C2CD2: variants seen among roughly 807,000 people sequenced by gnomAD.
The protein encoded by C2CD2 is C2 calcium dependent domain containing 2.
Under a neutral mutation model 74.3 loss-of-function variants are expected in C2CD2, and 43 were observed. The observed-to-expected ratio is 0.58, with a 90% confidence interval of 0.45 to 0.75. The LOEUF is 0.75. Ranked by LOEUF, C2CD2 falls within the 30% of genes least tolerant of loss-of-function variation. C2CD2 has a pLI of 0.00. For synonymous variants in C2CD2, 422 were observed against 390.7 expected (o/e 1.08, Z -0.94); for missense variants, 801 against 916.3 (o/e 0.87, Z 1.63).
chr21:41,904,567 C>T (rs1034247396), intron 11 of C2CD2, among the ~76,000 whole-genome samples: 6 of 152,128 alleles, frequency 3.9e-5, no homozygotes, highest in African/African-American at 1.4e-4. Flanking sequence ...TTTCTGGTAA[C>T]GAAAGGAGGG....
chr21:41,924,693 GTAAAAAA>G lies in C2CD2; in HGVS notation c.379-2615_379-2609del, dbSNP rs111592754. ...CAGCCCACTCCTTTTACTGCTTAAA[GTAAAAAA>G]TAAAAAATAAAAATAAATTTAAAAA... is the stretch of plus-strand genomic sequence containing the variant. On this transcript the variant is annotated intron_variant, in intron 2 of 13. Coordinates refer to ENST00000380486, the MANE Select transcript of C2CD2 (RefSeq NM_015500.2). This position sits in a 1 kb window ranked among gnomAD's most constrained non-coding sequence, Gnocchi z 4.4. 0.044 allele frequency among the ~76,000 whole-genome samples: 6,687 copies of G among 152,096 alleles called. 337 individuals are homozygous for G. The highest frequency in any genetic ancestry group is 0.13 in the African/African-American group (5,204 of 41,452).
intron 13 of C2CD2, among the ~76,000 whole-genome samples, chr21:41,896,024 T>G (rs2064818130): frequency 1.3e-5 from 2 of 152,146 alleles, no homozygotes; most frequent in Non-Finnish European, 2.9e-5. Flanking sequence ...CCTCACCTGA[T>G]AGGCCCTGTA....
Position 41,939,061 on chromosome 21 carries a change from A to G in C2CD2, c.378+3086T>C, listed in dbSNP as rs2065333664. 6.6e-6 allele frequency among the ~76,000 whole-genome samples: 1 copy of G among 152,152 alleles called. No homozygotes were observed. The highest frequency in any genetic ancestry group is 2.4e-5 in the African/African-American group (1 of 41,422). Reference sequence around the variant, plus strand: ...CCGGCCTAGAATGTCCTCACTTTCTATGGCTGAATTCTATTCCACCGCGTG... The same window carrying G: ...CCGGCCTAGAATGTCCTCACTTTCTGTGGCTGAATTCTATTCCACCGCGTG... On this transcript the variant is annotated intron_variant, in intron 2 of 13. Transcript: ENST00000380486. This position sits in a 1 kb window ranked among gnomAD's most constrained non-coding sequence, Gnocchi z 5.5.
intron 11 of C2CD2, among the ~76,000 whole-genome samples, chr21:41,902,095 G>T (rs2064906464): frequency 6.6e-6 from 1 of 152,204 alleles, no homozygotes; most frequent in Non-Finnish European, 1.5e-5. Context: ...GTGGTTACAA[G>T]ATACTCACTG....
At chr21:41,922,943 A>C (rs1013759104) in intron 2 of C2CD2, among the ~76,000 whole-genome samples, 1 of 152,136 alleles carries the variant, frequency 6.6e-6, no homozygotes, top group African/African-American at 2.4e-5. Flanking sequence ...TTAGCAGCTA[A>C]AGTCTTGACC....
At chr21:41,896,666 A>G (rs1362604793) in intron 13 of C2CD2, among the ~76,000 whole-genome samples, 1 of 150,488 alleles carries the variant, frequency 6.6e-6, no homozygotes, top group Admixed American at 6.6e-5. Context: ...AACCGAATAC[A>G]AACTCCTTAG....
intron 1 of C2CD2, among the ~76,000 whole-genome samples, chr21:41,943,561 C>A (rs184117463): frequency 1.3e-5 from 2 of 152,286 alleles, no homozygotes; most frequent in African/African-American, 4.8e-5. Flanking sequence ...AAACACACAG[C>A]CCCACAAGCT....
At chr21:41,902,940 A>T (rs1252246546) in intron 11 of C2CD2, among the ~76,000 whole-genome samples, 1 of 152,162 alleles carries the variant, frequency 6.6e-6, no homozygotes, top group Non-Finnish European at 1.5e-5. Context: ...GAAGGCTGGA[A>T]CTTTCTGCCC....
At chr21:41,937,327 C>T (rs1409664088) in intron 2 of C2CD2, among the ~76,000 whole-genome samples, 1 of 146,724 alleles carries the variant, frequency 6.8e-6, no homozygotes, top group Non-Finnish European at 1.5e-5. Flanking sequence ...CCAAGTTGGC[C>T]AGGCTGGTCT....
At chr21:41,901,495 T>C (rs2064896047) in intron 12 of C2CD2, 127 bp downstream of exon 12, 1 of 964,068 alleles carries the variant, frequency 1.0e-6, no homozygotes, top group Non-Finnish European at 1.7e-6. Context: ...GAACATAATT[T>C]GACATTTGTA....
At position 41,918,181 on chromosome 21, in the gene C2CD2, A is replaced by G; in HGVS notation, c.644T>C (p.Ile215Thr). ...GGCAGAACCAGCCAAATGCTTCAAGATGTCCTTGAGAACGTCAGACATCGC... is the reference window on the plus strand; with the variant it reads ...GGCAGAACCAGCCAAATGCTTCAAGGTGTCCTTGAGAACGTCAGACATCGC... ...TSAMSDVLKD[I>T]LKHLAGSASP... is the part of the protein sequence containing the mutation. The change falls in exon 5 of 14, where the codon ATC (isoleucine) becomes ACC (threonine). Residue 215 changes from isoleucine (I) to threonine (T), a missense_variant. Coordinates refer to ENST00000380486, the MANE Select transcript of C2CD2 (RefSeq NM_015500.2). 1 of 1,614,098 alleles carries G rather than the reference A, an allele frequency of 6.2e-7. No homozygotes were observed. The highest frequency in any genetic ancestry group is 8.5e-7 in the Non-Finnish European group (1 of 1,179,958).
At position 41,945,502 on chromosome 21, in the gene C2CD2, GAA is replaced by G. The variant is rs113742480; in HGVS notation, c.280-3259_280-3258del. Among the ~76,000 whole-genome samples, 1 of 135,552 alleles carries G rather than the reference GAA, an allele frequency of 7.4e-6. No individual in the cohort carries two copies. The allele number at this position is 135,552 out of a possible 152,430, so 88.9% of individuals were successfully genotyped here. Reference sequence around the variant, plus strand: ...TTGTGGAAACATGAAGTAAGGAAATGAAAAAAAAAAAAAGTGGGCTTGATGGA... The same window carrying G: ...TTGTGGAAACATGAAGTAAGGAAATGAAAAAAAAAAAGTGGGCTTGATGGA... On this transcript the variant is annotated intron_variant, in intron 1 of 13. Coordinates refer to ENST00000380486, the MANE Select transcript of C2CD2 (RefSeq NM_015500.2). This position sits in a 1 kb window ranked among gnomAD's most constrained non-coding sequence, Gnocchi z 4.2.
At position 41,903,729 on chromosome 21, in the gene C2CD2, C is replaced by T. The variant is rs1246003348; in HGVS notation, c.1433-1980G>A. On this transcript the variant is annotated intron_variant, in intron 11 of 13. Coordinates refer to ENST00000380486, the MANE Select transcript of C2CD2 (RefSeq NM_015500.2). The surrounding 1 kb of genome is among the most constrained non-coding windows in gnomAD (Gnocchi z 4.5). ...GTGCTTCTGTTCAGTCCCCCGAGAGCCCGGTCCAGGTGCCAGGTGCAGCCT... is the reference window on the plus strand; with the variant it reads ...GTGCTTCTGTTCAGTCCCCCGAGAGTCCGGTCCAGGTGCCAGGTGCAGCCT... 6.6e-6 allele frequency among the ~76,000 whole-genome samples: 1 copy of T among 152,148 alleles called. No individual in the cohort carries two copies. Among genetic ancestry groups the T allele is most frequent in the Non-Finnish European group, 1.5e-5 (1 of 68,018 alleles).
At chr21:41,937,494 T>A (rs56245437) in intron 2 of C2CD2, among the ~76,000 whole-genome samples, 2,399 of 152,340 alleles carry the variant, frequency 0.016, 29 homozygotes, top group Middle Eastern at 0.048. Flanking sequence ...ATTGACTACA[T>A]TATCAGTAAG....
rs746084156 is a variant in C2CD2 at position 41,906,976 on chromosome 21, G to A, written c.1318+16C>T. On this transcript the variant is annotated intron_variant, in intron 10 of 13. Transcript: ENST00000380486. ...GTCATGCAGAAAGTTCCTCGACTGC[G>A]TTCCTGTTGTCTCACCAGAGCTCAG... 5.0e-6 allele frequency: 8 copies of A among 1,606,488 alleles called. No homozygotes were observed. In the African/African-American group the frequency reaches 5.4e-5, roughly 11 times the overall value.
At chr21:41,922,160 C>CTTTTT in intron 2 of C2CD2, 75 bp from the exon 3 acceptor site, 2 of 726,288 alleles carry the variant, frequency 2.8e-6, no homozygotes, top group Non-Finnish European at 4.6e-6. Context: ...TCTTCTTCTT[C>CTTTTT]TTCTTTTTTT....
At chr21:41,948,622 T>C (rs1347961124) in intron 1 of C2CD2, among the ~76,000 whole-genome samples, 1 of 151,990 alleles carries the variant, frequency 6.6e-6, no homozygotes, top group African/African-American at 2.4e-5. Flanking sequence ...CCAAGTTCCT[T>C]CTACTGGAGG....
chr21:41,940,050 C>T (rs752758257), intron 2 of C2CD2, among the ~76,000 whole-genome samples: 2 of 152,180 alleles, frequency 1.3e-5, no homozygotes, highest in Non-Finnish European at 2.9e-5. Flanking sequence ...GAAGGAAATG[C>T]TCACTGGAGT....
At chr21:41,941,200 G>A in intron 2 of C2CD2, among the ~76,000 whole-genome samples, 1 of 151,894 alleles carries the variant, frequency 6.6e-6, no homozygotes, top group East Asian at 1.9e-4. Context: ...GCAAAAAAAA[G>A]AAATTAAAAA....
Sources: allele counts gnomAD v4.1 joint callset (sites outside exome capture counted in the v4.1 genomes callset), GRCh38; gene constraint gnomAD v4.1.1; non-coding constraint Gnocchi (gnomAD v3.1); transcripts MANE v1.5; gene names NCBI Gene and HGNC (gene_info 2026-07-23, HGNC 2026-07-21).